GNAZ: variants seen among roughly 807,000 people sequenced by gnomAD.
GNAZ encodes G protein subunit alpha z.
In GNAZ, 3 loss-of-function variants were observed where a neutral mutation model predicts 25.4. The observed-to-expected ratio is 0.12, with a 90% CI of 0.05 to 0.30. The LOEUF (loss-of-function observed/expected upper bound fraction) is 0.30. Ranked by LOEUF, GNAZ falls within the 10% of genes least tolerant of loss-of-function variation. GNAZ has a pLI of 1.00. For synonymous variants in GNAZ, 211 were observed against 205.7 expected, an observed-to-expected ratio of 1.03 and a Z score of -0.22; for missense variants, 241 against 501.8, an observed-to-expected ratio of 0.48 and a Z score of 4.97.
chr22:23,086,240 G>C (rs1214807326), intron 1 of GNAZ, among the ~76,000 whole-genome samples: 1 of 152,204 alleles, frequency 6.6e-6, no homozygotes, highest in Non-Finnish European at 1.5e-5. Flanking sequence ...GTCCCGTGGG[G>C]CCCAGTTGGA....
At chr22:23,090,294 G>C (rs2068934213) in intron 1 of GNAZ, among the ~76,000 whole-genome samples, 1 of 152,044 alleles carries the variant, frequency 6.6e-6, no homozygotes, top group Admixed American at 6.6e-5. Context: ...TCGTCTCCCT[G>C]TTCCCACCCA....
In GNAZ at chr22:23,123,444, G is replaced by C. The variant is rs41311051; in HGVS notation, c.*13G>C. 1.0e-5 allele frequency: 16 copies of C among 1,563,746 alleles called. No individual in the cohort carries two copies. The South Asian group carries it at 1.8e-4, about 17-fold the overall frequency. On this transcript the variant is annotated 3_prime_UTR_variant, in exon 3 of 3. Coordinates refer to ENST00000615612, the MANE Select transcript of GNAZ (RefSeq NM_002073.4). ...TGGCCTTTGCTGAGGAGCTGGGCCC[G>C]GGGCCCGCCTGCCTATGGTGAAACC...
intron 2 of GNAZ, among the ~76,000 whole-genome samples, chr22:23,117,421 G>A (rs2069878659): frequency 1.3e-5 from 2 of 152,356 alleles, no homozygotes; most frequent in African/African-American, 4.8e-5. Context: ...CAGCAAAGAA[G>A]TGTTGCTGGC....
chr22:23,123,151 C>A lies in GNAZ; in HGVS notation c.788C>A (p.Thr263Asn). 1.9e-6 allele frequency: 3 copies of A among 1,613,918 alleles called. No homozygotes were observed. Among genetic ancestry groups the A allele is most frequent in the Non-Finnish European group, 2.5e-6 (3 of 1,179,770 alleles). Reference sequence around the variant, plus strand: ...TGCAACAACAACTGGTTCATCAACACCTCACTCATCCTCTTCCTGAACAAG... The same window carrying A: ...TGCAACAACAACTGGTTCATCAACAACTCACTCATCCTCTTCCTGAACAAG... ...SICNNNWFINTSLILFLNKKD... is the reference protein window; with the variant it reads ...SICNNNWFINNSLILFLNKKD... The change falls in exon 3 of 3, where the codon ACC becomes AAC. Residue 263 changes from threonine (T) to asparagine (N), a missense_variant. Thr to Asn is a moderately conservative substitution (Grantham distance 65). Transcript: ENST00000615612.
intron 2 of GNAZ, 69 bp downstream of exon 2, chr22:23,096,487 G>A (rs1417443174): frequency 8.7e-6 from 13 of 1,489,212 alleles, no homozygotes; most frequent in South Asian, 2.5e-5. Context: ...AAGAGGACTC[G>A]TGAGGTCCAG....
intron 1 of GNAZ, among the ~76,000 whole-genome samples, chr22:23,087,826 A>G (rs1224426260): frequency 3.9e-5 from 6 of 152,228 alleles, no homozygotes; most frequent in African/African-American, 1.2e-4. Context: ...TGATCCATCA[A>G]GTGCAGGGTC....
chr22:23,089,862 C>T (rs1601779808), intron 1 of GNAZ, among the ~76,000 whole-genome samples: 1 of 152,196 alleles, frequency 6.6e-6, no homozygotes, highest in South Asian at 2.1e-4. Flanking sequence ...TCCTTAAGAG[C>T]CTACAGCCAA....
chr22:23,080,593 A>G (rs556951936), intron 1 of GNAZ, among the ~76,000 whole-genome samples: 67 of 152,346 alleles, frequency 4.4e-4, no homozygotes, highest in African/African-American at 1.4e-3. Context: ...TGCAGGTGCA[A>G]GGCCCATCAG....
intron 1 of GNAZ, among the ~76,000 whole-genome samples, chr22:23,075,848 T>C (rs1414037275): frequency 6.6e-6 from 1 of 152,120 alleles, no homozygotes; most frequent in Non-Finnish European, 1.5e-5. Context: ...CTTTGTGAGG[T>C]CTGCCCCTGT....
intron 2 of GNAZ, among the ~76,000 whole-genome samples, chr22:23,098,333 C>T (rs528134074): frequency 2.6e-5 from 4 of 152,368 alleles, no homozygotes; most frequent in South Asian, 2.1e-4. Flanking sequence ...TGACCTAGCC[C>T]GGCACCTGCT....
intron 1 of GNAZ, among the ~76,000 whole-genome samples, chr22:23,074,664 A>C (rs2146250724): frequency 6.6e-6 from 1 of 152,284 alleles, no homozygotes; most frequent in South Asian, 2.1e-4. Context: ...CTGGGCCTCC[A>C]CTGTGGGGAG....
intron 1 of GNAZ, among the ~76,000 whole-genome samples, chr22:23,073,247 T>C (rs1184191751): frequency 6.6e-6 from 1 of 152,206 alleles, no homozygotes; most frequent in East Asian, 1.9e-4. Context: ...AAACCTGGGG[T>C]AGCCAAGCCT....
At chr22:23,114,374 T>G (rs1006579242) in intron 2 of GNAZ, among the ~76,000 whole-genome samples, 2 of 152,124 alleles carry the variant, frequency 1.3e-5, no homozygotes, top group African/African-American at 4.8e-5. Flanking sequence ...AGGCCCAGGG[T>G]GGGACAGACC....
At chr22:23,082,458 A>T (rs2068711562) in intron 1 of GNAZ, among the ~76,000 whole-genome samples, 1 of 148,826 alleles carries the variant, frequency 6.7e-6, no homozygotes, top group South Asian at 2.1e-4. Context: ...TGACTTCGTG[A>T]TCCACCTGCC....
chr22:23,074,973 G>C (rs1399642270), intron 1 of GNAZ, among the ~76,000 whole-genome samples: 1 of 152,182 alleles, frequency 6.6e-6, no homozygotes, highest in South Asian at 2.1e-4. Context: ...TTTGAGACCA[G>C]CCTGAGCAAC....
chr22:23,112,411 T>G (rs2069681411), intron 2 of GNAZ, among the ~76,000 whole-genome samples: 1 of 152,150 alleles, frequency 6.6e-6, no homozygotes, highest in East Asian at 1.9e-4. Flanking sequence ...TGGCAATGCC[T>G]TCCACCAGGT....
intron 2 of GNAZ, among the ~76,000 whole-genome samples, chr22:23,117,698 T>C (rs1264672624): frequency 6.6e-6 from 1 of 152,198 alleles, no homozygotes; most frequent in Non-Finnish European, 1.5e-5. Context: ...TTGTGCCTTC[T>C]CACAACAGTC....
chr22:23,117,344 A>G (rs2069875677), intron 2 of GNAZ, among the ~76,000 whole-genome samples: 1 of 152,200 alleles, frequency 6.6e-6, no homozygotes, highest in Non-Finnish European at 1.5e-5. Context: ...CACATCGGCC[A>G]TTGCATCTCC....
At chr22:23,120,505 GGT>G (rs1234734660) in intron 2 of GNAZ, among the ~76,000 whole-genome samples, 1 of 152,156 alleles carries the variant, frequency 6.6e-6, no homozygotes, top group Non-Finnish European at 1.5e-5. Context: ...GCATCAGTGA[GGT>G]GGCCCTCCTG....
Sources: allele counts gnomAD v4.1 joint callset (sites outside exome capture counted in the v4.1 genomes callset), GRCh38; gene constraint gnomAD v4.1.1; transcripts MANE v1.5; gene names NCBI Gene and HGNC (gene_info 2026-07-23, HGNC 2026-07-21).